The following HRH4 variants were observed in gnomAD, a reference collection of about 807,000 sequenced individuals.
The protein encoded by HRH4 is histamine H4 receptor.
In HRH4, 12 loss-of-function variants were observed where a neutral mutation model predicts 10.4. The observed-to-expected ratio is 1.15, with a 90% CI of 0.74 to 1.87. HRH4 has a LOEUF of 1.87. Ranked by LOEUF, HRH4 falls within the 40% of genes most tolerant of loss-of-function variation. The probability of loss-of-function intolerance (pLI) is 0.00; values close to 1 mark genes in which losing one functional copy is unlikely to be tolerated. For synonymous variants in HRH4, 154 were observed against 166.6 expected, an observed-to-expected ratio of 0.92 and a Z score of 0.58; for missense variants, 415 against 453.3, an observed-to-expected ratio of 0.92 and a Z score of 0.77.
Position 24,477,620 on chromosome 18 carries a change from C to A in HRH4, c.*58C>A. The A allele has an allele frequency of 8.2e-7, 1 of 1,221,956 alleles. No homozygotes were observed. Among genetic ancestry groups the A allele is most frequent in the Non-Finnish European group, 1.1e-6 (1 of 880,844 alleles). 75.7% of individuals were successfully genotyped at this position (1,221,956 alleles called of 1,614,324 possible). Reference sequence around the variant, plus strand: ...TCAATCTCACCTAAATGAATCAGGTCTGCCCTTTATCTTGCCCTTTTCATT... The same window carrying A: ...TCAATCTCACCTAAATGAATCAGGTATGCCCTTTATCTTGCCCTTTTCATT... On this transcript the variant is annotated 3_prime_UTR_variant, in exon 3 of 3. Coordinates refer to ENST00000256906, the MANE Select transcript of HRH4 (RefSeq NM_021624.4).
Position 24,479,925 on chromosome 18 carries a change from T to A in HRH4, c.*2363T>A, listed in dbSNP as rs1352523604. 1.3e-5 allele frequency: 2 copies of A among 152,136 alleles called. No individual in the cohort carries two copies. Among genetic ancestry groups the A allele is most frequent in the Non-Finnish European group, 2.9e-5 (2 of 68,024 alleles). 9.4% of individuals were successfully genotyped at this position (152,136 alleles called of 1,614,324 possible). On this transcript the variant is annotated 3_prime_UTR_variant, in exon 3 of 3. Transcript: ENST00000256906. The stretch of plus-strand genomic sequence containing the variant: ...CATGTTTAACATTCAATAATAATTT[T>A]AAAAATTTGAGAAATAAACTCTCAT...
Position 24,477,234 on chromosome 18 carries a change from C to CA in HRH4, c.846dup (p.Asp283ArgfsTer12), listed in dbSNP as rs760540221. 100 of 1,614,078 alleles carry CA rather than the reference C, an allele frequency of 6.2e-5. No individual in the cohort carries two copies. The highest frequency in any genetic ancestry group is 7.9e-5 in the Non-Finnish European group (93 of 1,180,038). On this transcript the variant is annotated frameshift_variant, in exon 3 of 3. Transcript: ENST00000256906. LOFTEE classifies it low-confidence loss of function (END_TRUNC). The stretch of plus-strand genomic sequence containing the variant: ...TCCAAAATGGGTTCCTTCTCCCAAT[C>CA]AGATTCTGTAGCTCTTCACCAAAGG...
chr18:24,477,289 A>G lies in HRH4; in HGVS notation c.900A>G (p.Arg300=). ...REHVELLRAR[R]LAKSLAILLG... Reference sequence around the variant, plus strand: ...ATGTTGAACTGCTTAGAGCCAGGAGATTAGCCAAGTCACTGGCCATTCTCT... The same window carrying G: ...ATGTTGAACTGCTTAGAGCCAGGAGGTTAGCCAAGTCACTGGCCATTCTCT... The change falls in exon 3 of 3, where the codon AGA becomes AGG. Residue 300 remains arginine, a synonymous_variant. Transcript: ENST00000256906. 6.2e-7 allele frequency: 1 copy of G among 1,614,182 alleles called. No homozygotes were observed. The highest frequency in any genetic ancestry group is 1.3e-5 in the African/African-American group (1 of 75,048).
chr18:24,460,652 G>T lies in HRH4; in HGVS notation c.-77G>T. 1.1e-6 allele frequency: 1 copy of T among 888,190 alleles called. No homozygotes were observed. The allele number at this position is 888,190 out of a possible 1,614,324, so 55.0% of individuals were successfully genotyped here. A position where few individuals can be genotyped will look rare whatever the true frequency, so the allele number is the denominator to read the frequency against. ...GTGGAAGACTACACATTTTAGGTAT[G>T]TGATTAGAAAACATACTTGTCAGAA... On this transcript the variant is annotated 5_prime_UTR_variant, in exon 1 of 3. The change abolishes an upstream ATG in the 5' untranslated region. Coordinates refer to ENST00000256906, the MANE Select transcript of HRH4 (RefSeq NM_021624.4).
chr18:24,466,514 G>T (rs535813479), intron 1 of HRH4, among the ~76,000 whole-genome samples: 14 of 152,016 alleles, frequency 9.2e-5, no homozygotes, highest in African/African-American at 3.1e-4. Context: ...AAATATAATT[G>T]AAACATGAAA....
intron 2 of HRH4, among the ~76,000 whole-genome samples, chr18:24,471,478 T>C (rs1327398826): frequency 1.3e-5 from 2 of 151,224 alleles, no homozygotes; most frequent in Admixed American, 1.3e-4. Flanking sequence ...ATGGTGGCGC[T>C]TGCCTGTAAT....
rs955455537 is a variant in HRH4 at position 24,479,815 on chromosome 18, A to C, written c.*2253A>C. On this transcript the variant is annotated 3_prime_UTR_variant, in exon 3 of 3. Coordinates refer to ENST00000256906, the MANE Select transcript of HRH4 (RefSeq NM_021624.4). ...CTTTAACTTCAAACATTAAAATACAAGTCTTTTAAGTACATGAGTGCTTAG... is the reference window on the plus strand; with the variant it reads ...CTTTAACTTCAAACATTAAAATACACGTCTTTTAAGTACATGAGTGCTTAG... 2 of 152,218 alleles carry C rather than the reference A, an allele frequency of 1.3e-5. No homozygotes were observed. The highest frequency in any genetic ancestry group is 2.9e-5 in the Non-Finnish European group (2 of 68,046). The allele number at this position is 152,218 out of a possible 1,614,324, so 9.4% of individuals were successfully genotyped here.
chr18:24,475,745 CAT>C (rs1910116640), intron 2 of HRH4, among the ~76,000 whole-genome samples: 1 of 152,310 alleles, frequency 6.6e-6, no homozygotes, highest in African/African-American at 2.4e-5. Context: ...CGGTAGCTCA[CAT>C]GTGTAATCCA....
At chr18:24,476,703 A>T in intron 2 of HRH4, 44 bp from the exon 3 acceptor site, 1 of 1,413,620 alleles carries the variant, frequency 7.1e-7, no homozygotes, top group Non-Finnish European at 9.9e-7. Flanking sequence ...TTATGCATTC[A>T]ACATACACAT....
intron 2 of HRH4, among the ~76,000 whole-genome samples, chr18:24,475,486 G>GT (rs1217999742): frequency 2.0e-5 from 3 of 152,186 alleles, no homozygotes; most frequent in Non-Finnish European, 4.4e-5. Flanking sequence ...TTAGCTGGGT[G>GT]TGGTGGTGTA....
intron 2 of HRH4, among the ~76,000 whole-genome samples, chr18:24,472,274 G>C (rs1909991552): frequency 6.6e-6 from 1 of 152,254 alleles, no homozygotes; most frequent in African/African-American, 2.4e-5. Context: ...TTGAACTCCT[G>C]ACCTCAAGTG....
At position 24,472,138 on chromosome 18, in the gene HRH4, C is replaced by T. The variant is rs186269899; in HGVS notation, c.357+3187C>T. On this transcript the variant is annotated intron_variant, in intron 2 of 2. Transcript: ENST00000256906. Reference sequence around the variant, plus strand: ...TCGGCTCACTGCAAACTCCCCCTCCCGGGTTCAAGCCATTCTTGTGCCTCA... The same window carrying T: ...TCGGCTCACTGCAAACTCCCCCTCCTGGGTTCAAGCCATTCTTGTGCCTCA... 3.9e-4 allele frequency among the ~76,000 whole-genome samples: 59 copies of T among 152,226 alleles called. 1 individual carries two copies. The East Asian group carries it at 8.1e-3, about 21-fold the overall frequency.
rs997026552 is a variant in HRH4, at chr18:24,477,215, AT to A, written c.827del (p.Met276ArgfsTer10). The A allele has an allele frequency of 5.0e-6, 8 of 1,614,064 alleles. No homozygotes were observed. The African/African-American group carries it at 9.3e-5, about 19-fold the overall frequency. On this transcript the variant is annotated frameshift_variant, in exon 3 of 3. Transcript: ENST00000256906. LOFTEE classifies it low-confidence loss of function (END_TRUNC). Reference sequence around the variant, plus strand: ...GAATAGCAATACAATTGCTTCCAAAATGGGTTCCTTCTCCCAATCAGATTCT... The same window carrying A: ...GAATAGCAATACAATTGCTTCCAAAAGGGTTCCTTCTCCCAATCAGATTCT... The part of the protein sequence containing the change: ...KMNSNTIASK[M>X]GSFSQSDSVA...
chr18:24,465,586 C>T (rs553771954), intron 1 of HRH4, among the ~76,000 whole-genome samples: 11 of 152,218 alleles, frequency 7.2e-5, no homozygotes, highest in South Asian at 2.1e-4. Context: ...ATTCCAGAAT[C>T]GAAGGTGTAG....
Position 24,477,203 on chromosome 18 carries a change from A to G in HRH4, c.814A>G (p.Ile272Val), listed in dbSNP as rs1165608587. 3.1e-6 allele frequency: 5 copies of G among 1,614,236 alleles called. No individual in the cohort carries two copies. The highest frequency in any genetic ancestry group is 3.3e-5 in the Admixed American group (2 of 60,028). ...SSRTKMNSNTIASKMGSFSQS... is the reference protein window; with the variant it reads ...SSRTKMNSNTVASKMGSFSQS... ...AAGAACCAAGATGAATAGCAATACA[A>G]TTGCTTCCAAAATGGGTTCCTTCTC... The change falls in exon 3 of 3, where the codon ATT becomes GTT. Residue 272 changes from isoleucine to valine, a missense_variant. By Grantham distance (29) the Ile-to-Val change is conservative. Transcript: ENST00000256906.
At chr18:24,461,448 T>C (rs1909635448) in intron 1 of HRH4, among the ~76,000 whole-genome samples, 1 of 152,178 alleles carries the variant, frequency 6.6e-6, no homozygotes, top group Non-Finnish European at 1.5e-5. Flanking sequence ...GCATATAATA[T>C]GATATCATAG....
At chr18:24,467,199 C>A (rs1909799864) in intron 1 of HRH4, among the ~76,000 whole-genome samples, 1 of 152,222 alleles carries the variant, frequency 6.6e-6, no homozygotes, top group South Asian at 2.1e-4. Flanking sequence ...GCAATGCACA[C>A]AGCACAGGGT....
Position 24,460,650 on chromosome 18 carries a change from A to G in HRH4, c.-79A>G, listed in dbSNP as rs1909607498. 6.0e-6 allele frequency: 5 copies of G among 834,822 alleles called. No individual in the cohort carries two copies. In the Admixed American group the frequency reaches 8.1e-5, roughly 13 times the overall value. 51.7% of individuals were successfully genotyped at this position (834,822 alleles called of 1,614,324 possible). A position where few individuals can be genotyped will look rare whatever the true frequency, so the allele number is the denominator to read the frequency against. On this transcript the variant is annotated 5_prime_UTR_variant, in exon 1 of 3. It removes an upstream start codon present in the reference 5' UTR. Transcript: ENST00000256906. ...GAGTGGAAGACTACACATTTTAGGT[A>G]TGTGATTAGAAAACATACTTGTCAG...
intron 1 of HRH4, among the ~76,000 whole-genome samples, chr18:24,466,287 A>ATTTTTTTTTTT (rs398032181): frequency 7.7e-6 from 1 of 129,212 alleles, no homozygotes; most frequent in Non-Finnish European, 1.6e-5. Flanking sequence ...TAATTTTTGT[A>ATTTTTTTTTTT]TTTTTTTTTT....
Sources: allele counts gnomAD v4.1 joint callset (sites outside exome capture counted in the v4.1 genomes callset), GRCh38; gene constraint gnomAD v4.1.1; transcripts MANE v1.5; gene names NCBI Gene and HGNC (gene_info 2026-07-23, HGNC 2026-07-21).